PKHD1L1: variants seen among roughly 807,000 people sequenced by gnomAD.
PKHD1L1 encodes fibrocystin-L.
PKHD1L1 carries 434 observed loss-of-function variants against 462.9 expected under a neutral mutation model. The ratio of observed to expected loss-of-function variants is 0.94; its 90% CI spans 0.87 to 1.02. The LOEUF (loss-of-function observed/expected upper bound fraction) is 1.02. Among genes scored for constraint, PKHD1L1 ranks in the 50% least tolerant of loss-of-function variants. The pLI is 0.00. For missense variants in PKHD1L1, 5,202 were observed against 5,096.1 expected, an observed-to-expected ratio of 1.02 and a Z score of -0.63; for synonymous variants, 1,781 against 1,750.0, an observed-to-expected ratio of 1.02 and a Z score of -0.44.
chr8:109,414,148 T>C (rs1814006115), intron 21 of PKHD1L1, among the ~76,000 whole-genome samples: 1 of 152,198 alleles, frequency 6.6e-6, no homozygotes, highest in Non-Finnish European at 1.5e-5. Context: ...CAGTTGTGAC[T>C]GCATTTTCAT....
chr8:109,463,231 C>A (rs1313571978), intron 48 of PKHD1L1, among the ~76,000 whole-genome samples: 1 of 152,080 alleles, frequency 6.6e-6, no homozygotes, highest in East Asian at 1.9e-4. Flanking sequence ...TATATTCAGG[C>A]TGTATAATCA....
intron 65 of PKHD1L1, among the ~76,000 whole-genome samples, chr8:109,497,525 C>G (rs114820709): frequency 0.03 from 4,547 of 151,342 alleles, 213 homozygotes; most frequent in African/African-American, 0.11. Flanking sequence ...CTCTGCCTCC[C>G]GGGTTCACAT....
chr8:109,450,393 T>A (rs1816417807), intron 40 of PKHD1L1, among the ~76,000 whole-genome samples: 1 of 152,198 alleles, frequency 6.6e-6, no homozygotes, highest in African/African-American at 2.4e-5. Flanking sequence ...CTGACTTCCT[T>A]AACAAAGAAT....
In PKHD1L1 at chr8:109,408,217, G is replaced by A; in HGVS notation, c.1971+11G>A. ...TCATCAGAAGCTGAAGTACGGTGTA[G>A]GAATGTTTCTACCACGCATTTTCCC... On this transcript the variant is annotated intron_variant, in intron 18 of 77. Coordinates refer to ENST00000378402, the MANE Select transcript of PKHD1L1 (RefSeq NM_177531.6). 1 of 1,606,308 alleles carries A rather than the reference G, an allele frequency of 6.2e-7. No homozygotes were observed. The highest frequency in any genetic ancestry group is 1.1e-5 in the South Asian group (1 of 89,956).
At position 109,442,077 on chromosome 8, in the gene PKHD1L1, T is replaced by C; in HGVS notation, c.4275T>C (p.His1425=). Residue 1425 remains histidine (H), a synonymous_variant, in exon 35 of 78, where the codon CAT becomes CAC. Coordinates refer to ENST00000378402, the MANE Select transcript of PKHD1L1 (RefSeq NM_177531.6). ...CTGTGGGGGACACAGTGGCATGGCATTGGCAAACACATCCGTTTCTTAGAG... is the reference window on the plus strand; with the variant it reads ...CTGTGGGGGACACAGTGGCATGGCACTGGCAAACACATCCGTTTCTTAGAG... ...NVSVGDTVAW[H]WQTHPFLRGI... The C allele has an allele frequency of 1.2e-6, 2 of 1,613,532 alleles. No homozygotes were observed. The highest frequency in any genetic ancestry group is 8.5e-7 in the Non-Finnish European group (1 of 1,179,594).
chr8:109,446,495 G>C (rs921021197), intron 38 of PKHD1L1, among the ~76,000 whole-genome samples: 1 of 152,168 alleles, frequency 6.6e-6, no homozygotes, highest in Non-Finnish European at 1.5e-5. Context: ...CTCATTAAAT[G>C]TTAACCTTTT....
chr8:109,403,506 T>C (rs1164457267), intron 14 of PKHD1L1, among the ~76,000 whole-genome samples: 5 of 152,184 alleles, frequency 3.3e-5, no homozygotes, highest in Admixed American at 2.6e-4. Flanking sequence ...GTTTATTGTC[T>C]AGCACAAAGA....
intron 19 of PKHD1L1, among the ~76,000 whole-genome samples, chr8:109,410,917 CG>C (rs1000750794): frequency 1.8e-4 from 27 of 150,980 alleles, no homozygotes; most frequent in African/African-American, 6.6e-4. Context: ...TTAGTAGAGA[CG>C]GGGTTTCACA....
At chr8:109,471,395 C>T (rs910144528) in intron 50 of PKHD1L1, among the ~76,000 whole-genome samples, 3 of 152,194 alleles carry the variant, frequency 2.0e-5, no homozygotes, top group African/African-American at 7.2e-5. Flanking sequence ...AGAACATTCT[C>T]TCATAGAACA....
Position 109,532,991 on chromosome 8 carries a change from A to G in PKHD1L1, c.*2901A>G, listed in dbSNP as rs574576881. Among the ~76,000 whole-genome samples, 10 of 152,310 alleles carry G rather than the reference A, an allele frequency of 6.6e-5. No homozygotes were observed. In the South Asian group the frequency reaches 2.1e-3, roughly 32 times the overall value. On this transcript the variant is annotated 3_prime_UTR_variant, in exon 78 of 78. Coordinates refer to ENST00000378402, the MANE Select transcript of PKHD1L1 (RefSeq NM_177531.6). Reference sequence around the variant, plus strand: ...GAGGATAACCTTATTCCCTTCTCCAAATGAGGAAACTTGAAATGTTGAAGG... The same window carrying G: ...GAGGATAACCTTATTCCCTTCTCCAGATGAGGAAACTTGAAATGTTGAAGG...
intron 12 of PKHD1L1, among the ~76,000 whole-genome samples, chr8:109,399,870 C>T (rs896592308): frequency 6.6e-6 from 1 of 152,066 alleles, no homozygotes; most frequent in African/African-American, 2.4e-5. Flanking sequence ...GAAACTGAGG[C>T]TCAAATAAGT....
chr8:109,394,325 G>A (rs1363254330), intron 9 of PKHD1L1, 90 bp from the exon 10 acceptor site: 1 of 770,740 alleles, frequency 1.3e-6, no homozygotes, highest in Non-Finnish European at 2.0e-6. Flanking sequence ...CTCTTTTGCA[G>A]ATTATGACAT....
chr8:109,469,439 A>C (rs1008036669), intron 50 of PKHD1L1, among the ~76,000 whole-genome samples: 1 of 152,106 alleles, frequency 6.6e-6, no homozygotes, highest in Admixed American at 6.6e-5. Flanking sequence ...GAATCAGGGC[A>C]ATAAATACCT....
intron 49 of PKHD1L1, among the ~76,000 whole-genome samples, chr8:109,465,735 T>C (rs144775650): frequency 7.2e-5 from 11 of 152,280 alleles, no homozygotes; most frequent in African/African-American, 2.4e-4. Flanking sequence ...AAGAAATAAG[T>C]CACAAACCAG....
intron 31 of PKHD1L1, 109 bp from the exon 32 acceptor site, chr8:109,438,788 C>T: frequency 4.3e-6 from 4 of 937,782 alleles, no homozygotes; most frequent in Non-Finnish European, 6.2e-6. Context: ...GTTAGGATTT[C>T]CTAAATCCAA....
intron 19 of PKHD1L1, among the ~76,000 whole-genome samples, chr8:109,411,888 T>A (rs76161752): frequency 0.024 from 3,586 of 152,274 alleles, 135 homozygotes; most frequent in African/African-American, 0.082. Context: ...GGGTGGCCTC[T>A]ATCTACAGGG....
intron 3 of PKHD1L1, 30 bp from the exon 4 acceptor site, chr8:109,382,433 T>A: frequency 6.5e-7 from 1 of 1,534,140 alleles, no homozygotes; most frequent in Non-Finnish European, 8.9e-7. Context: ...AGGAATTGCA[T>A]GTCTCATATA....
At position 109,486,889 on chromosome 8, in the gene PKHD1L1, C is replaced by A. The variant is rs995706830; in HGVS notation, c.9880+68C>A. 1.2e-5 allele frequency: 16 copies of A among 1,382,320 alleles called. No homozygotes were observed. The African/African-American group carries it at 2.4e-4, about 20-fold the overall frequency. 85.6% of individuals were successfully genotyped at this position (1,382,320 alleles called of 1,614,324 possible). Reference sequence around the variant, plus strand: ...TTATCTCATCTATATGTAGTCAGCTCTTACATAATTCTCACTTTTTTAATA... The same window carrying A: ...TTATCTCATCTATATGTAGTCAGCTATTACATAATTCTCACTTTTTTAATA... On this transcript the variant is annotated intron_variant, in intron 59 of 77. Coordinates refer to ENST00000378402, the MANE Select transcript of PKHD1L1 (RefSeq NM_177531.6).
At chr8:109,376,342 G>A (rs201106838) in intron 2 of PKHD1L1, among the ~76,000 whole-genome samples, 11 of 152,324 alleles carry the variant, frequency 7.2e-5, no homozygotes, top group Admixed American at 2.0e-4. Context: ...TGTTAAGCCC[G>A]TTGGCAAAGC....
Sources: gnomAD v4.1 joint callset for allele counts (sites outside exome capture counted in the v4.1 genomes callset) on GRCh38, gnomAD v4.1.1 for gene constraint, MANE v1.5 for transcripts, NCBI Gene and HGNC (gene_info 2026-07-23, HGNC 2026-07-21) for gene names.